Variants in SUGCT observed in about 807,000 individuals in gnomAD.
SUGCT encodes succinyl-CoA:glutarate CoA-transferase.
A neutral mutation model predicts 55.0 loss-of-function variants in SUGCT; 41 were observed. The ratio of observed to expected loss-of-function variants is 0.74; its 90% CI spans 0.58 to 0.97. SUGCT has a LOEUF of 0.97. Among genes scored for constraint, SUGCT ranks in the 50% least tolerant of loss-of-function variants. SUGCT has a pLI of 0.00. For synonymous variants in SUGCT, 187 were observed against 200.4 expected (o/e 0.93, Z 0.56); for missense variants, 568 against 547.8 (o/e 1.04, Z -0.37).
chr7:40,573,847 T>C (rs1796579793), intron 12 of SUGCT, among the ~76,000 whole-genome samples: 1 of 152,192 alleles, frequency 6.6e-6, no homozygotes, highest in South Asian at 2.1e-4. Flanking sequence ...CCTGGCTCTC[T>C]TTCCTCTATA....
rs935906677 is a variant in SUGCT, at chr7:40,159,408, G to T, written c.101-21539G>T. Among the ~76,000 whole-genome samples the T allele has an allele frequency of 4.6e-5, 7 of 151,988 alleles. No individual in the cohort carries two copies. The South Asian group carries it at 6.2e-4, about 14-fold the overall frequency. On this transcript the variant is annotated intron_variant, in intron 1 of 13. Transcript: ENST00000335693. ...TTGTTTTGAGACTGAGTCTCGCTGT[G>T]TTGCCAGGCTGGAGTGCAGTGATAT...
At chr7:40,831,869 A>ACACACTGG (rs1792684978) in intron 13 of SUGCT, among the ~76,000 whole-genome samples, 1 of 152,220 alleles carries the variant, frequency 6.6e-6, no homozygotes, top group Non-Finnish European at 1.5e-5. Context: ...GGAAGAGAGT[A>ACACACTGG]CAGGCTCACA....
At chr7:40,313,013 G>T (rs1180098584) in intron 8 of SUGCT, among the ~76,000 whole-genome samples, 2 of 152,192 alleles carry the variant, frequency 1.3e-5, no homozygotes, top group Non-Finnish European at 2.9e-5. Context: ...TGACTGCTTT[G>T]AGAGATAATT....
intron 6 of SUGCT, among the ~76,000 whole-genome samples, chr7:40,200,327 A>G (rs372689184): frequency 6.6e-6 from 1 of 152,212 alleles, no homozygotes; most frequent in South Asian, 2.1e-4. Context: ...AATAAATACA[A>G]CATGTATTAG....
the SUGCT span, among the ~76,000 whole-genome samples, chr7:40,900,604 T>G: frequency 6.6e-6 from 1 of 152,306 alleles, no homozygotes; most frequent in South Asian, 2.1e-4. Flanking sequence ...AAGCCTGGGC[T>G]GGGGAGTGTC....
chr7:40,925,619 A>G, the SUGCT span, among the ~76,000 whole-genome samples: 1 of 152,162 alleles, frequency 6.6e-6, no homozygotes, highest in Non-Finnish European at 1.5e-5. Context: ...GGTGGTTTAC[A>G]TGAGTCTGGA....
At chr7:40,180,037 A>C (rs899531048) in intron 1 of SUGCT, among the ~76,000 whole-genome samples, 1 of 152,146 alleles carries the variant, frequency 6.6e-6, no homozygotes, top group Non-Finnish European at 1.5e-5. Context: ...TTCTGATTAT[A>C]ATTTGGTTTT....
At chr7:40,706,492 C>T (rs181196698) in intron 12 of SUGCT, among the ~76,000 whole-genome samples, 20 of 152,148 alleles carry the variant, frequency 1.3e-4, no homozygotes, top group East Asian at 3.9e-4. Context: ...AGCGACAGAG[C>T]GAGACTCTGT....
At chr7:41,010,016 G>A in the SUGCT span, among the ~76,000 whole-genome samples, 81 of 152,272 alleles carry the variant, frequency 5.3e-4, no homozygotes, top group African/African-American at 1.7e-3. Context: ...ATGTGTTTGC[G>A]CTGGATGTGT....
intron 13 of SUGCT, among the ~76,000 whole-genome samples, chr7:40,831,581 A>C (rs1178987787): frequency 1.3e-5 from 2 of 152,232 alleles, no homozygotes; most frequent in Non-Finnish European, 2.9e-5. Context: ...TCATCCTTGA[A>C]GCCCTATATA....
the SUGCT span, among the ~76,000 whole-genome samples, chr7:40,973,379 C>T: frequency 6.6e-6 from 1 of 152,314 alleles, no homozygotes; most frequent in South Asian, 2.1e-4. Flanking sequence ...TGGAAATATG[C>T]AATTCTTACT....
At chr7:40,369,334 G>A (rs1211877381) in intron 9 of SUGCT, among the ~76,000 whole-genome samples, 5 of 152,154 alleles carry the variant, frequency 3.3e-5, no homozygotes, top group Non-Finnish European at 7.4e-5. Flanking sequence ...TCTGGCTTTT[G>A]TGGGAAGAAG....
chr7:40,911,388 T>C, the SUGCT span, among the ~76,000 whole-genome samples: 1 of 151,842 alleles, frequency 6.6e-6, no homozygotes, highest in African/African-American at 2.4e-5. Context: ...ACAAGAACAA[T>C]TGTATAGTGA....
At chr7:40,981,006 C>A in the SUGCT span, among the ~76,000 whole-genome samples, 1 of 152,084 alleles carries the variant, frequency 6.6e-6, no homozygotes, top group South Asian at 2.1e-4. Flanking sequence ...CCCCATTAGA[C>A]CTTAAGGCTC....
At chr7:40,537,314 C>T (rs1466568453) in intron 12 of SUGCT, among the ~76,000 whole-genome samples, 1 of 152,116 alleles carries the variant, frequency 6.6e-6, no homozygotes, top group East Asian at 1.9e-4. Flanking sequence ...CCCACCGAAT[C>T]TGATGAGAAC....
intron 9 of SUGCT, among the ~76,000 whole-genome samples, chr7:40,331,290 C>G (rs935052268): frequency 6.6e-6 from 1 of 152,140 alleles, no homozygotes; most frequent in African/African-American, 2.4e-5. Context: ...ATCCTCTTTA[C>G]TGCTGAATTT....
intron 12 of SUGCT, among the ~76,000 whole-genome samples, chr7:40,541,808 A>G (rs1583937726): frequency 6.6e-6 from 1 of 152,364 alleles, no homozygotes; most frequent in East Asian, 1.9e-4. Context: ...GGAGTATGCT[A>G]AATTCACACC....
the SUGCT span, among the ~76,000 whole-genome samples, chr7:40,902,214 A>T: frequency 6.6e-6 from 1 of 152,214 alleles, no homozygotes; most frequent in Non-Finnish European, 1.5e-5. Flanking sequence ...ACTTGTGACT[A>T]CACAAACAAA....
intron 12 of SUGCT, among the ~76,000 whole-genome samples, chr7:40,567,125 G>A (rs952066617): frequency 5.3e-5 from 8 of 152,176 alleles, no homozygotes; most frequent in Non-Finnish European, 7.3e-5. Context: ...TTGATCTGGC[G>A]TAATATATAC....
Sources: allele counts gnomAD v4.1 joint callset (sites outside exome capture counted in the v4.1 genomes callset), GRCh38; gene constraint gnomAD v4.1.1; transcripts MANE v1.5; gene names NCBI Gene and HGNC (gene_info 2026-07-23, HGNC 2026-07-21).